The following CIST1 variants were observed in gnomAD, a reference collection of about 807,000 sequenced individuals.
The protein encoded by CIST1 is colon, intestine and stomach enriched 1, also known as uncharacterized LOC729966.
the CIST1 span, among the ~76,000 whole-genome samples, chr19:18,251,868 T>C: frequency 1.3e-5 from 2 of 151,990 alleles, no homozygotes; most frequent in African/African-American, 4.8e-5. Context: ...TGCCCATCGC[T>C]GCGTGCCCAG....
chr19:18,255,114 C>T, the CIST1 span: 6 of 394,838 alleles, frequency 1.5e-5, no homozygotes, highest in Admixed American at 4.4e-5. The surrounding 1 kb of genome is among the most constrained non-coding windows in gnomAD (Gnocchi z 4.6). Flanking sequence ...GGCGGACCAG[C>T]GTGGCCTGAG....
At chr19:18,250,633 G>A in the CIST1 span, among the ~76,000 whole-genome samples, 3 of 152,134 alleles carry the variant, frequency 2.0e-5, no homozygotes, top group Admixed American at 2.0e-4. Context: ...TAGAGACAGG[G>A]TCTCACTCTG....
chr19:18,252,692 A>G, the CIST1 span, among the ~76,000 whole-genome samples: 1 of 151,072 alleles, frequency 6.6e-6, no homozygotes, highest in African/African-American at 2.4e-5. Context: ...ATCTCAGCTC[A>G]CTGCAACCTC....
chr19:18,250,528 A>G, the CIST1 span: 1 of 389,912 alleles, frequency 2.6e-6, no homozygotes, highest in Non-Finnish European at 4.5e-6. Flanking sequence ...AGCCTAAGAC[A>G]CCCACCAGGG....
the CIST1 span, among the ~76,000 whole-genome samples, chr19:18,251,249 C>G: frequency 6.6e-6 from 1 of 151,664 alleles, no homozygotes; most frequent in Non-Finnish European, 1.5e-5. Context: ...CCTCAGCCTC[C>G]CAAGTAGCCC....
At chr19:18,251,792 T>G in the CIST1 span, among the ~76,000 whole-genome samples, 1 of 150,916 alleles carries the variant, frequency 6.6e-6, no homozygotes, top group Non-Finnish European at 1.5e-5. Context: ...CCTGCTATTT[T>G]GCCCAGGCCC....
the CIST1 span, among the ~76,000 whole-genome samples, chr19:18,254,375 C>CT: frequency 6.6e-6 from 1 of 152,200 alleles, no homozygotes; most frequent in East Asian, 1.9e-4. Context: ...TGTTGAGTGC[C>CT]TGGCACTGAG....
chr19:18,250,242 G>A, the CIST1 span: 1 of 399,034 alleles, frequency 2.5e-6, no homozygotes, highest in Non-Finnish European at 4.4e-6. Context: ...GGTTGGCCCT[G>A]CTTGGGATAG....
chr19:18,253,563 A>ACACAC, the CIST1 span, among the ~76,000 whole-genome samples: 2 of 141,750 alleles, frequency 1.4e-5, no homozygotes, highest in Non-Finnish European at 3.0e-5. Context: ...AAAAAAAAAA[A>ACACAC]ACACACACAC....
chr19:18,252,120 C>T, the CIST1 span: 3 of 398,906 alleles, frequency 7.5e-6, no homozygotes, highest in Non-Finnish European at 1.3e-5. Context: ...CGTTCCGGGG[C>T]TGTGGGAAGT....
At chr19:18,253,576 A>ACG in the CIST1 span, among the ~76,000 whole-genome samples, 1 of 151,250 alleles carries the variant, frequency 6.6e-6, no homozygotes, top group African/African-American at 2.4e-5. Context: ...ACACACACAC[A>ACG]ATAGAATAGA....
chr19:18,251,507 T>C, the CIST1 span, among the ~76,000 whole-genome samples: 1 of 151,816 alleles, frequency 6.6e-6, no homozygotes, highest in Non-Finnish European at 1.5e-5. Context: ...CGATCTCAGC[T>C]CACTGCAACC....
At chr19:18,252,098 G>T in the CIST1 span, 2 of 399,020 alleles carry the variant, frequency 5.0e-6, no homozygotes, top group Non-Finnish European at 8.8e-6. Context: ...GGTCAGTGGA[G>T]GTCAAGGGCT....
chr19:18,254,714 G>A, the CIST1 span, among the ~76,000 whole-genome samples: 1 of 152,202 alleles, frequency 6.6e-6, no homozygotes, highest in Non-Finnish European at 1.5e-5. Context: ...CAGGTAAAGG[G>A]CAGAAAAAGG....
At chr19:18,251,538 G>A in the CIST1 span, among the ~76,000 whole-genome samples, 1 of 149,588 alleles carries the variant, frequency 6.7e-6, no homozygotes, top group Non-Finnish European at 1.5e-5. Flanking sequence ...GGGTTCAAGC[G>A]ATTCTCCTGC....
chr19:18,252,886 C>T, the CIST1 span, among the ~76,000 whole-genome samples: 1 of 152,208 alleles, frequency 6.6e-6, no homozygotes, highest in Non-Finnish European at 1.5e-5. Context: ...GGATTACAGG[C>T]ATAAGCCATC....
At chr19:18,250,943 T>C in the CIST1 span, among the ~76,000 whole-genome samples, 1 of 152,020 alleles carries the variant, frequency 6.6e-6, no homozygotes, top group Non-Finnish European at 1.5e-5. Context: ...CCAGCTAATT[T>C]GTGTACATAT....
chr19:18,252,380 T>C, the CIST1 span: 1 of 398,832 alleles, frequency 2.5e-6, no homozygotes, highest in East Asian at 3.6e-5. Context: ...ATTTGGGGGG[T>C]TCCCCTGAAC....
the CIST1 span, among the ~76,000 whole-genome samples, chr19:18,251,592 G>T: frequency 6.6e-6 from 1 of 150,870 alleles, no homozygotes; most frequent in Non-Finnish European, 1.5e-5. Context: ...CTGCCACCAC[G>T]CCTGGCTAAT....
Sources: gnomAD v4.1 joint callset for allele counts (sites outside exome capture counted in the v4.1 genomes callset) on GRCh38, gnomAD v4.1.1 for gene constraint, Gnocchi (gnomAD v3.1) non-coding constraint, MANE v1.5 for transcripts, NCBI Gene and HGNC (gene_info 2026-07-23, HGNC 2026-07-21) for gene names.